Variants in VRK3 observed in about 807,000 individuals in gnomAD.
VRK3 encodes serine/threonine-protein kinase VRK3.
A neutral mutation model predicts 60.4 loss-of-function variants in VRK3; 50 were observed. The ratio of observed to expected loss-of-function variants is 0.83; its 90% CI spans 0.66 to 1.05. VRK3 has a LOEUF of 1.05. VRK3 is among the 50% of genes least tolerant of loss of function. The probability of loss-of-function intolerance (pLI) is 0.00; values close to 1 mark genes in which losing one functional copy is unlikely to be tolerated. For missense variants in VRK3, 549 were observed against 585.3 expected, an observed-to-expected ratio of 0.94 and a Z score of 0.64; for synonymous variants, 246 against 227.8, an observed-to-expected ratio of 1.08 and a Z score of -0.72.
chr19:49,988,582 G>A, intron 11 of VRK3, 90 bp from the exon 12 acceptor site: 2 of 1,508,960 alleles, frequency 1.3e-6, no homozygotes, highest in Non-Finnish European at 1.8e-6. Context: ...CTCTCTCACT[G>A]ACTCAACCAC....
intron 3 of VRK3, 151 bp downstream of exon 3, chr19:50,015,873 T>G (rs563555950): frequency 1.0e-6 from 1 of 968,472 alleles, no homozygotes; most frequent in African/African-American, 1.7e-5. Flanking sequence ...AAGAGACTGA[T>G]GGTAGACAGA....
chr19:50,000,486 T>TG, intron 6 of VRK3: 1 of 442,764 alleles, frequency 2.3e-6, no homozygotes, highest in East Asian at 4.6e-5. Context: ...GGCCACACCC[T>TG]GTGGGTATTA....
chr19:50,000,694 C>A (rs2076788737), intron 6 of VRK3, 96 bp downstream of exon 6: 2 of 1,443,518 alleles, frequency 1.4e-6, no homozygotes, highest in Middle Eastern at 1.8e-4. Context: ...GGCCCCCGGC[C>A]GAGCTCTCCC....
chr19:49,983,487 T>C (rs757963427), intron 12 of VRK3, among the ~76,000 whole-genome samples: 8 of 152,154 alleles, frequency 5.3e-5, no homozygotes, highest in Admixed American at 3.9e-4. Context: ...AAGGCCCGGT[T>C]GTGCCATCAA....
chr19:49,987,912 C>G (rs1424773302), intron 12 of VRK3: 1 of 154,078 alleles, frequency 6.5e-6, no homozygotes, highest in Non-Finnish European at 1.4e-5. Context: ...CTGTGTTAGT[C>G]AGGATGGTCT....
chr19:50,024,185 A>G (rs10402421), intron 1 of VRK3, among the ~76,000 whole-genome samples: 7,983 of 152,092 alleles, frequency 0.052, 693 homozygotes, highest in African/African-American at 0.18. Flanking sequence ...TGATCCGCCC[A>G]CCTCGGTCTC....
intron 12 of VRK3, 40 bp from the exon 13 acceptor site, chr19:49,981,053 A>G: frequency 6.3e-7 from 1 of 1,587,242 alleles, no homozygotes; most frequent in Non-Finnish European, 8.6e-7. Context: ...CTCTTAGGGA[A>G]AGGAGAGCAA....
rs1183616791 is a variant in VRK3 at position 50,007,633 on chromosome 19, CTT to C, written c.481_482del (p.Lys161GlufsTer21). Reference sequence around the variant, plus strand: ...ACTTCAGCTTCCACTGTCGCCCACTCTTGTCTGTCAGCACTGTCCCTGTGGGC... The same window carrying C: ...ACTTCAGCTTCCACTGTCGCCCACTCGTCTGTCAGCACTGTCCCTGTGGGC... ...ALPTGTVLTDKSGRQWKLKSF... is the reference protein window; with the variant it reads ...ALPTGTVLTDXSGRQWKLKSF... On this transcript the variant is annotated frameshift_variant, in exon 5 of 15. Transcript: ENST00000316763. LOFTEE classifies it high-confidence loss of function. 3 of 1,614,230 alleles carry C rather than the reference CTT, an allele frequency of 1.9e-6. No homozygotes were observed. The highest frequency in any genetic ancestry group is 1.7e-5 in the Admixed American group (1 of 60,026).
At chr19:50,021,852 G>C (rs1007551608) in intron 1 of VRK3, among the ~76,000 whole-genome samples, 4 of 152,188 alleles carry the variant, frequency 2.6e-5, no homozygotes, top group Admixed American at 6.5e-5. Context: ...CTAAGTTCTC[G>C]GCAGGTATTA....
At chr19:50,021,823 G>A (rs1002761586) in intron 1 of VRK3, among the ~76,000 whole-genome samples, 2 of 152,230 alleles carry the variant, frequency 1.3e-5, no homozygotes, top group Non-Finnish European at 2.9e-5. Context: ...TGACAGTTCA[G>A]TATGTGCAGA....
rs895584048 is a variant in VRK3, at chr19:50,009,156, G to C, written c.289+80C>G. On this transcript the variant is annotated intron_variant, in intron 4 of 14. Coordinates refer to ENST00000316763, the MANE Select transcript of VRK3 (RefSeq NM_016440.4). ...TGGATGATGTTTGAGCCGGGGCTGT[G>C]GCAGTTTTGTCCCAAAGATCATCAG... 53 of 1,498,780 alleles carry C rather than the reference G, an allele frequency of 3.5e-5. No individual in the cohort carries two copies. The African/African-American group carries it at 7.1e-4, about 20-fold the overall frequency. The allele number at this position is 1,498,780 out of a possible 1,614,324, so 92.8% of individuals were successfully genotyped here.
intron 7 of VRK3, 63 bp downstream of exon 7, chr19:49,997,441 G>A: frequency 6.3e-7 from 1 of 1,576,028 alleles, no homozygotes; most frequent in Admixed American, 1.7e-5. Flanking sequence ...TAGAAGTCAA[G>A]TGCTGTGACC....
chr19:50,001,887 G>T (rs2076813028), intron 5 of VRK3, among the ~76,000 whole-genome samples: 1 of 152,058 alleles, frequency 6.6e-6, no homozygotes, highest in South Asian at 2.1e-4. Context: ...CAACAGGCTG[G>T]CAGGAGTAAG....
At chr19:49,992,778 A>G (rs1248177564) in intron 10 of VRK3, 82 bp downstream of exon 10, 12 of 1,293,974 alleles carry the variant, frequency 9.3e-6, no homozygotes, top group Non-Finnish European at 1.3e-5. Context: ...TGTAATAAGC[A>G]CTATGAAATA....
intron 5 of VRK3, 163 bp from the exon 6 acceptor site, chr19:50,001,017 GCTT>G (rs1250032049): frequency 8.0e-6 from 5 of 623,118 alleles, no homozygotes; most frequent in African/African-American, 1.9e-5. Flanking sequence ...TTTTAAATAA[GCTT>G]CTTCTTCCTC....
chr19:49,997,747 T>C, intron 6 of VRK3, 177 bp from the exon 7 acceptor site: 1 of 592,186 alleles, frequency 1.7e-6, no homozygotes, highest in South Asian at 2.3e-5. Context: ...GCGAGCTACC[T>C]TGCTGTACCC....
chr19:50,002,097 T>A (rs2076816773), intron 5 of VRK3, among the ~76,000 whole-genome samples: 1 of 152,020 alleles, frequency 6.6e-6, no homozygotes, highest in Admixed American at 6.5e-5. Flanking sequence ...GTCTAGCTAA[T>A]CCCAAAGCCC....
chr19:50,017,570 G>A (rs1447692848), intron 2 of VRK3, among the ~76,000 whole-genome samples: 2 of 76,800 alleles, frequency 2.6e-5, no homozygotes, highest in East Asian at 6.6e-4. Context: ...GTGAAACTCT[G>A]CCTCAAAAAA....
At chr19:50,021,473 G>T (rs989735240) in intron 1 of VRK3, among the ~76,000 whole-genome samples, 1 of 152,222 alleles carries the variant, frequency 6.6e-6, no homozygotes, top group African/African-American at 2.4e-5. Flanking sequence ...GCCTAAAGTA[G>T]CCCAGGCAGA....
Sources: gnomAD v4.1 joint callset for allele counts (sites outside exome capture counted in the v4.1 genomes callset) on GRCh38, gnomAD v4.1.1 for gene constraint, MANE v1.5 for transcripts, NCBI Gene and HGNC (gene_info 2026-07-23, HGNC 2026-07-21) for gene names.